SLC12A6: variants seen among roughly 807,000 people sequenced by gnomAD.
SLC12A6 encodes K-Cl cotransporter 3.
A neutral mutation model predicts 135.3 loss-of-function variants in SLC12A6; 66 were observed. The ratio of observed to expected loss-of-function variants is 0.49; its 90% CI spans 0.40 to 0.60. The LOEUF (loss-of-function observed/expected upper bound fraction) is 0.60, where lower values mean the gene tolerates loss of function less well. Ranked by LOEUF, SLC12A6 falls within the 20% of genes least tolerant of loss-of-function variation. The pLI is 0.00. For synonymous variants in SLC12A6, 513 were observed against 508.8 expected, an observed-to-expected ratio of 1.01 and a Z score of -0.11; for missense variants, 1,058 against 1,452.3, an observed-to-expected ratio of 0.73 and a Z score of 4.41.
chr15:34,328,506 G>T (rs1202463600), intron 2 of SLC12A6, among the ~76,000 whole-genome samples: 1 of 152,186 alleles, frequency 6.6e-6, no homozygotes, highest in East Asian at 1.9e-4. Flanking sequence ...ATTAAGGCAA[G>T]GTGCTGTATG....
At chr15:34,331,675 C>T (rs1180699011) in intron 2 of SLC12A6, among the ~76,000 whole-genome samples, 1 of 152,084 alleles carries the variant, frequency 6.6e-6, no homozygotes, top group Non-Finnish European at 1.5e-5. Flanking sequence ...AAGAACCCTA[C>T]AGCATAGTTG....
chr15:34,257,145 G>C (rs1194283914), intron 6 of SLC12A6, among the ~76,000 whole-genome samples: 1 of 152,086 alleles, frequency 6.6e-6, no homozygotes, highest in Non-Finnish European at 1.5e-5. Flanking sequence ...TAAATTAAAG[G>C]AAGATAAAAA....
chr15:34,288,705 T>C (rs1895298536), intron 2 of SLC12A6, among the ~76,000 whole-genome samples: 1 of 152,216 alleles, frequency 6.6e-6, no homozygotes, highest in South Asian at 2.1e-4. Context: ...TTCACATCCC[T>C]TGTAAGTTGG....
chr15:34,238,583 G>A, intron 20 of SLC12A6, 182 bp from the exon 21 acceptor site: 1 of 647,222 alleles, frequency 1.5e-6, no homozygotes, highest in Non-Finnish European at 2.8e-6. Context: ...CTAACAGACT[G>A]AGAACCACAG....
chr15:34,246,172 A>C (rs1891976063), intron 13 of SLC12A6, among the ~76,000 whole-genome samples: 1 of 152,058 alleles, frequency 6.6e-6, no homozygotes, highest in Non-Finnish European at 1.5e-5. Flanking sequence ...GCCTCAAGTG[A>C]TTCACCTGCC....
At position 34,230,764 on chromosome 15, in the gene SLC12A6, CAT is replaced by C. The variant is rs1246812776; in HGVS notation, c.*3115_*3116del. ...AGACAACGTAAGCAACACATACACA[CAT>C]GAAATACTCTAGACAGACATGAATA... On this transcript the variant is annotated 3_prime_UTR_variant, in exon 26 of 26. Coordinates refer to ENST00000354181, the MANE Select transcript of SLC12A6 (RefSeq NM_001365088.1). 1 of 152,634 alleles carries C rather than the reference CAT, an allele frequency of 6.6e-6. No individual in the cohort carries two copies. The highest frequency in any genetic ancestry group is 2.4e-5 in the African/African-American group (1 of 41,456). The allele number at this position is 152,634 out of a possible 1,614,324, so 9.5% of individuals were successfully genotyped here. A position where few individuals can be genotyped will look rare whatever the true frequency, so the allele number is the denominator to read the frequency against.
Position 34,254,423 on chromosome 15 carries a change from AGG to A in SLC12A6, c.1041_1042del (p.Leu348GlyfsTer31), listed in dbSNP as rs1187070195. 1 of 1,613,626 alleles carries A rather than the reference AGG, an allele frequency of 6.2e-7. No individual in the cohort carries two copies. Among genetic ancestry groups the A allele is most frequent in the Non-Finnish European group, 8.5e-7 (1 of 1,179,500 alleles). On this transcript the variant is annotated frameshift_variant, in exon 9 of 26. Transcript: ENST00000354181. LOFTEE classifies it high-confidence loss of function. ...CAAGATGGACACAATGACACAGGCC[AGG>A]AAAAGTGAGGCAAACTTGTTCACAT...
intron 18 of SLC12A6, 131 bp downstream of exon 18, chr15:34,241,102 A>C (rs985968606): frequency 2.8e-6 from 2 of 703,032 alleles, no homozygotes; most frequent in Non-Finnish European, 5.2e-6. Context: ...TTAAGGATTT[A>C]GAATAGTTCA....
chr15:34,320,066 T>C (rs1888958617), intron 2 of SLC12A6, among the ~76,000 whole-genome samples: 1 of 152,218 alleles, frequency 6.6e-6, no homozygotes, highest in Non-Finnish European at 1.5e-5. Flanking sequence ...AATTGAGCCC[T>C]GTGTAATGTC....
intron 2 of SLC12A6, among the ~76,000 whole-genome samples, chr15:34,332,761 C>T (rs145461839): frequency 2.2e-4 from 33 of 148,730 alleles, no homozygotes; most frequent in African/African-American, 6.5e-4. Flanking sequence ...CCAGCCTGGG[C>T]GACAGCGCGA....
Position 34,233,411 on chromosome 15 carries a change from A to G in SLC12A6, c.*470T>C, listed in dbSNP as rs1477162464. 1 of 161,828 alleles carries G rather than the reference A, an allele frequency of 6.2e-6. No homozygotes were observed. Among genetic ancestry groups the G allele is most frequent in the Non-Finnish European group, 1.4e-5 (1 of 72,982 alleles). 10.0% of individuals were successfully genotyped at this position (161,828 alleles called of 1,614,324 possible). A position where few individuals can be genotyped will look rare whatever the true frequency, so the allele number is the denominator to read the frequency against. On this transcript the variant is annotated 3_prime_UTR_variant, in exon 26 of 26. Transcript: ENST00000354181. ...ATGTTTGCATCTTGGCTTGCCGAGG[A>G]TAATAGGTCCAAATATACTTGACCA...
intron 2 of SLC12A6, among the ~76,000 whole-genome samples, chr15:34,314,190 A>G (rs1474538163): frequency 6.6e-6 from 1 of 151,946 alleles, no homozygotes; most frequent in Non-Finnish European, 1.5e-5. Context: ...TGGGATTTAC[A>G]GGCATATGCC....
At chr15:34,244,440 T>C (rs576051897) in intron 15 of SLC12A6, among the ~76,000 whole-genome samples, 2 of 152,340 alleles carry the variant, frequency 1.3e-5, no homozygotes, top group African/African-American at 2.4e-5. Flanking sequence ...TCTTTCCAAT[T>C]AGCATTCCCA....
At chr15:34,317,718 A>G (rs1888754078) in intron 2 of SLC12A6, among the ~76,000 whole-genome samples, 1 of 152,152 alleles carries the variant, frequency 6.6e-6, no homozygotes, top group African/African-American at 2.4e-5. Context: ...ACATAAATAA[A>G]ATAAAATAAA....
rs79444477 is a variant in SLC12A6, at chr15:34,248,669, C to T, written c.1649+1629G>A. On this transcript the variant is annotated intron_variant, in intron 13 of 25. Coordinates refer to ENST00000354181, the MANE Select transcript of SLC12A6 (RefSeq NM_001365088.1). ...TATTTATATTGCATCTGTTAGGCTT[C>T]GAGTCCTCAAAGAGCTCAACGTGTA... Among the ~76,000 whole-genome samples the T allele has an allele frequency of 3.9e-4, 60 of 151,970 alleles. No individual in the cohort carries two copies. In the East Asian group the frequency reaches 0.01, roughly 26 times the overall value.
intron 18 of SLC12A6, 43 bp downstream of exon 18, chr15:34,241,190 G>T: frequency 1.0e-6 from 1 of 1,001,896 alleles, no homozygotes; most frequent in Non-Finnish European, 1.6e-6. Flanking sequence ...ATATTTTTGT[G>T]TGTTAACCAT....
intron 2 of SLC12A6, among the ~76,000 whole-genome samples, chr15:34,307,793 C>T (rs924143191): frequency 4.6e-5 from 7 of 151,962 alleles, no homozygotes; most frequent in South Asian, 2.1e-4. Flanking sequence ...AAAATATGAA[C>T]GAAGGCAATG....
intron 2 of SLC12A6, among the ~76,000 whole-genome samples, chr15:34,328,745 T>C (rs1889639534): frequency 6.6e-6 from 1 of 152,018 alleles, no homozygotes; most frequent in Non-Finnish European, 1.5e-5. Context: ...TAGCTGGGCA[T>C]GGTGGTGCAT....
Position 34,276,121 on chromosome 15 carries a change from T to C in SLC12A6, c.272-732A>G, listed in dbSNP as rs140120481. ...TTAAAATGGTAACTTCTGTATTGTATATATTTTGCCACAATAAAAAGTAAA... is the reference window on the plus strand; with the variant it reads ...TTAAAATGGTAACTTCTGTATTGTACATATTTTGCCACAATAAAAAGTAAA... On this transcript the variant is annotated intron_variant, in intron 2 of 25. Coordinates refer to ENST00000354181, the MANE Select transcript of SLC12A6 (RefSeq NM_001365088.1). Among the ~76,000 whole-genome samples, 821 of 152,268 alleles carry C rather than the reference T, an allele frequency of 5.4e-3. 24 individuals are homozygous for C. Among genetic ancestry groups the C allele is most frequent in the Non-Finnish European group, 1.0e-3 (71 of 68,016 alleles).
Sources: gnomAD v4.1 joint callset for allele counts (sites outside exome capture counted in the v4.1 genomes callset) on GRCh38, gnomAD v4.1.1 for gene constraint, MANE v1.5 for transcripts, NCBI Gene and HGNC (gene_info 2026-07-23, HGNC 2026-07-21) for gene names.